SGMS1: variants seen among roughly 807,000 people sequenced by gnomAD.
SGMS1 encodes the protein phosphatidylcholine:ceramide cholinephosphotransferase 1.
A neutral mutation model predicts 46.2 loss-of-function variants in SGMS1; 13 were observed. The ratio of observed to expected loss-of-function variants is 0.28; its 90% CI spans 0.18 to 0.45. The LOEUF is 0.45. Ranked by LOEUF, SGMS1 falls within the 20% of genes least tolerant of loss-of-function variation. The pLI is 1.00. For synonymous variants in SGMS1, 203 were observed against 187.8 expected (o/e 1.08, Z -0.66); for missense variants, 324 against 519.9 (o/e 0.62, Z 3.66).
intron 3 of SGMS1, among the ~76,000 whole-genome samples, chr10:50,492,119 C>G (rs1357882720): frequency 6.6e-6 from 1 of 152,166 alleles, no homozygotes; most frequent in Admixed American, 6.5e-5. Flanking sequence ...ATTCAACATC[C>G]ATTCATGTTA....
At chr10:50,393,301 ACG>A (rs1299236028) in intron 6 of SGMS1, among the ~76,000 whole-genome samples, 2 of 152,204 alleles carry the variant, frequency 1.3e-5, no homozygotes, top group Non-Finnish European at 2.9e-5. Flanking sequence ...AAAGAAAAAT[ACG>A]TCCAATTTCT....
At chr10:50,479,491 A>C (rs1228284622) in intron 3 of SGMS1, among the ~76,000 whole-genome samples, 6 of 152,202 alleles carry the variant, frequency 3.9e-5, no homozygotes, top group African/African-American at 9.7e-5. Context: ...TTAACTGTCG[A>C]GTTAACAGAA....
chr10:50,552,862 T>C (rs1429554615), intron 2 of SGMS1, among the ~76,000 whole-genome samples: 2 of 152,146 alleles, frequency 1.3e-5, no homozygotes, highest in African/African-American at 2.4e-5. Context: ...GACAGTGACC[T>C]GACACCAAAG....
At chr10:50,560,009 C>T (rs950639634) in intron 2 of SGMS1, among the ~76,000 whole-genome samples, 2 of 148,836 alleles carry the variant, frequency 1.3e-5, no homozygotes, top group Non-Finnish European at 1.5e-5. Flanking sequence ...ATTTTTCCTT[C>T]GATTTGTTGC....
intron 2 of SGMS1, among the ~76,000 whole-genome samples, chr10:50,542,314 A>C (rs946633604): frequency 6.6e-6 from 1 of 152,240 alleles, no homozygotes; most frequent in African/African-American, 2.4e-5. Flanking sequence ...AATTCAAAAA[A>C]GATCTTACAC....
intron 8 of SGMS1, among the ~76,000 whole-genome samples, chr10:50,313,889 G>A (rs1847297770): frequency 6.6e-6 from 1 of 152,036 alleles, no homozygotes; most frequent in East Asian, 1.9e-4. Context: ...GAGACCCTAA[G>A]CTTCCTTTTC....
intron 8 of SGMS1, among the ~76,000 whole-genome samples, chr10:50,321,282 C>A (rs1003422618): frequency 2.0e-5 from 3 of 152,136 alleles, no homozygotes; most frequent in East Asian, 3.8e-4. Flanking sequence ...ACATAAGGAA[C>A]TAATATACTG....
intron 2 of SGMS1, among the ~76,000 whole-genome samples, chr10:50,527,060 T>A (rs1445942561): frequency 2.7e-5 from 2 of 74,914 alleles, no homozygotes; most frequent in Non-Finnish European, 4.5e-5. Flanking sequence ...TGAGACTCTG[T>A]CTCAAAAAAA....
chr10:50,476,882 A>G (rs975367594), intron 3 of SGMS1, among the ~76,000 whole-genome samples: 9 of 152,228 alleles, frequency 5.9e-5, no homozygotes, highest in South Asian at 4.1e-4. Flanking sequence ...TAGATTTCAG[A>G]CATTATATGG....
At chr10:50,320,040 T>A (rs1369981614) in intron 8 of SGMS1, among the ~76,000 whole-genome samples, 1 of 152,212 alleles carries the variant, frequency 6.6e-6, no homozygotes, top group Non-Finnish European at 1.5e-5. Flanking sequence ...ATATATTAGT[T>A]ATTTAGAGTC....
chr10:50,482,202 C>T (rs571936356), intron 3 of SGMS1, among the ~76,000 whole-genome samples: 1 of 152,128 alleles, frequency 6.6e-6, no homozygotes, highest in Non-Finnish European at 1.5e-5. Context: ...GAAGATCAAC[C>T]CCAAGACACA....
intron 2 of SGMS1, among the ~76,000 whole-genome samples, chr10:50,573,474 T>C (rs1310728742): frequency 6.6e-6 from 1 of 152,180 alleles, no homozygotes; most frequent in Non-Finnish European, 1.5e-5. Flanking sequence ...GAAATAAACC[T>C]AACCTGGGAG....
Position 50,563,766 on chromosome 10 carries a change from A to C in SGMS1, c.-589+26387T>G, listed in dbSNP as rs563242005. ...TCAAAAAAAAAAAAAAAAAAAAAAA[A>C]GAAACTCTTTTGATGGAACCCATCC... On this transcript the variant is annotated intron_variant, in intron 2 of 10. Transcript: ENST00000361781. 1.2e-4 allele frequency among the ~76,000 whole-genome samples: 18 copies of C among 144,770 alleles called. No individual in the cohort carries two copies. In the East Asian group the frequency reaches 3.9e-3, roughly 31 times the overall value. The allele number at this position is 144,770 out of a possible 152,430, so 95.0% of individuals were successfully genotyped here.
At chr10:50,596,079 G>A (rs1278795101) in intron 1 of SGMS1, among the ~76,000 whole-genome samples, 1 of 152,062 alleles carries the variant, frequency 6.6e-6, no homozygotes, top group Non-Finnish European at 1.5e-5. Flanking sequence ...ATAGCAGGGA[G>A]GTAATTTTAA....
intron 5 of SGMS1, among the ~76,000 whole-genome samples, chr10:50,443,371 TAAC>T (rs1191100619): frequency 1.3e-5 from 2 of 150,838 alleles, no homozygotes; most frequent in Non-Finnish European, 3.0e-5. Context: ...AAACCAAAAA[TAAC>T]AACAACAACA....
chr10:50,312,091 A>G (rs2133277261), intron 8 of SGMS1, among the ~76,000 whole-genome samples: 1 of 152,338 alleles, frequency 6.6e-6, no homozygotes, highest in East Asian at 1.9e-4. Flanking sequence ...TGCTCGGTCA[A>G]GTAAAATGTG....
At chr10:50,621,181 G>T (rs1017258461) in intron 1 of SGMS1, among the ~76,000 whole-genome samples, 9 of 148,430 alleles carry the variant, frequency 6.1e-5, no homozygotes, top group African/African-American at 2.2e-4. Context: ...TGTCTCAAAA[G>T]AAAAACAAAC....
At chr10:50,530,013 G>C (rs190467622) in intron 2 of SGMS1, among the ~76,000 whole-genome samples, 2 of 152,298 alleles carry the variant, frequency 1.3e-5, no homozygotes, top group African/African-American at 4.8e-5. Flanking sequence ...AAGCAGCACA[G>C]GCCCTCTGTA....
chr10:50,379,628 G>T (rs1848573422), intron 6 of SGMS1, among the ~76,000 whole-genome samples: 1 of 152,118 alleles, frequency 6.6e-6, no homozygotes, highest in Non-Finnish European at 1.5e-5. Flanking sequence ...ATTACAGAGA[G>T]AGTAGGAGGA....
Sources: allele counts gnomAD v4.1 joint callset (sites outside exome capture counted in the v4.1 genomes callset), GRCh38; gene constraint gnomAD v4.1.1; transcripts MANE v1.5; gene names NCBI Gene and HGNC (gene_info 2026-07-23, HGNC 2026-07-21).